HS6ST3: variants seen among roughly 807,000 people sequenced by gnomAD.
HS6ST3 encodes the protein heparan sulfate 6-O-sulfotransferase 3, also known as heparan-sulfate 6-O-sulfotransferase 3.
HS6ST3 carries 12 observed loss-of-function variants against 36.7 expected under a neutral mutation model. That is an observed-to-expected ratio of 0.33 (90% CI 0.21 to 0.53). The LOEUF is 0.53. Ranked by LOEUF, HS6ST3 falls within the 20% of genes least tolerant of loss-of-function variation. The pLI is 0.95. For synonymous variants in HS6ST3, 240 were observed against 257.5 expected, an observed-to-expected ratio of 0.93 and a Z score of 0.65; for missense variants, 584 against 640.9, an observed-to-expected ratio of 0.91 and a Z score of 0.96.
intron 1 of HS6ST3, among the ~76,000 whole-genome samples, chr13:96,141,001 A>G (rs1396942564): frequency 6.6e-6 from 1 of 152,192 alleles, no homozygotes; most frequent in East Asian, 1.9e-4. Context: ...TCCGAAGAAA[A>G]TCATCAAGGA....
At chr13:96,532,658 A>G (rs2056140289) in intron 1 of HS6ST3, among the ~76,000 whole-genome samples, 1 of 152,204 alleles carries the variant, frequency 6.6e-6, no homozygotes, top group South Asian at 2.1e-4. Context: ...TAGGCTAACA[A>G]AGAGAACCTT....
intron 1 of HS6ST3, among the ~76,000 whole-genome samples, chr13:96,282,471 A>G (rs1286206897): frequency 1.3e-5 from 2 of 152,192 alleles, no homozygotes; most frequent in African/African-American, 2.4e-5. Flanking sequence ...AGAGCTGGGT[A>G]TACTCAGTAA....
At chr13:96,482,108 T>G (rs2138898668) in intron 1 of HS6ST3, among the ~76,000 whole-genome samples, 1 of 152,336 alleles carries the variant, frequency 6.6e-6, no homozygotes, top group East Asian at 1.9e-4. Flanking sequence ...ATGCTTATCC[T>G]CAGGTATGTT....
intron 1 of HS6ST3, among the ~76,000 whole-genome samples, chr13:96,394,421 G>A (rs2139453682): frequency 6.6e-6 from 1 of 152,210 alleles, no homozygotes; most frequent in African/African-American, 2.4e-5. Context: ...AAGGCATGAA[G>A]TTTGTCCTCC....
At chr13:96,511,333 C>A (rs550471339) in intron 1 of HS6ST3, among the ~76,000 whole-genome samples, 3 of 152,146 alleles carry the variant, frequency 2.0e-5, no homozygotes, top group African/African-American at 7.2e-5. Context: ...ACTTTATGCT[C>A]CAGGATGACT....
chr13:96,180,519 TAATA>T (rs1250775586), intron 1 of HS6ST3, among the ~76,000 whole-genome samples: 1 of 123,042 alleles, frequency 8.1e-6, no homozygotes, highest in Non-Finnish European at 1.7e-5. Context: ...AAGGAAGGGC[TAATA>T]AATATTTATT....
chr13:96,322,227 G>T (rs116834667), intron 1 of HS6ST3, among the ~76,000 whole-genome samples: 1,734 of 152,040 alleles, frequency 0.011, 35 homozygotes, highest in African/African-American at 0.04. Flanking sequence ...CTCTCTATTT[G>T]GTTATCCATA....
intron 1 of HS6ST3, among the ~76,000 whole-genome samples, chr13:96,147,454 G>A (rs2054063784): frequency 6.6e-6 from 1 of 152,194 alleles, no homozygotes; most frequent in Non-Finnish European, 1.5e-5. Context: ...TTTGTTCAAT[G>A]TTGCTTCATT....
At chr13:96,507,348 A>C (rs2056030497) in intron 1 of HS6ST3, among the ~76,000 whole-genome samples, 1 of 152,080 alleles carries the variant, frequency 6.6e-6, no homozygotes, top group Non-Finnish European at 1.5e-5. Context: ...TCTTTTCACT[A>C]TCCTTTGTGG....
intron 1 of HS6ST3, among the ~76,000 whole-genome samples, chr13:96,604,025 T>C (rs1247875801): frequency 6.6e-6 from 1 of 152,204 alleles, no homozygotes; most frequent in Non-Finnish European, 1.5e-5. Context: ...TGCTGTTTTA[T>C]ATGAAAAGTT....
intron 1 of HS6ST3, among the ~76,000 whole-genome samples, chr13:96,403,723 A>G (rs2055463122): frequency 6.6e-6 from 1 of 152,218 alleles, no homozygotes; most frequent in Non-Finnish European, 1.5e-5. Flanking sequence ...TCCATCTTCT[A>G]TGTACAACAA....
chr13:96,104,331 A>G (rs896528137), intron 1 of HS6ST3, among the ~76,000 whole-genome samples: 1 of 152,172 alleles, frequency 6.6e-6, no homozygotes, highest in East Asian at 1.9e-4. Context: ...GTACTGATCA[A>G]CTCCAGGATA....
intron 1 of HS6ST3, among the ~76,000 whole-genome samples, chr13:96,502,947 CATCT>C (rs768897864): frequency 1.1e-4 from 16 of 152,114 alleles, no homozygotes; most frequent in Admixed American, 2.0e-4. Flanking sequence ...TGTGCGCTTC[CATCT>C]GTCAAGTGGG....
At chr13:96,132,150 A>G (rs2139312236) in intron 1 of HS6ST3, among the ~76,000 whole-genome samples, 2 of 145,998 alleles carry the variant, frequency 1.4e-5, no homozygotes, top group Middle Eastern at 7.0e-3. Context: ...ACACACACAC[A>G]CACACACACA....
intron 1 of HS6ST3, among the ~76,000 whole-genome samples, chr13:96,301,426 T>C (rs927359139): frequency 9.2e-5 from 14 of 152,156 alleles, no homozygotes; most frequent in African/African-American, 3.1e-4. Flanking sequence ...AAGGGGAATG[T>C]AGGGGTGGCA....
intron 1 of HS6ST3, among the ~76,000 whole-genome samples, chr13:96,309,168 T>C (rs988502489): frequency 1.3e-5 from 2 of 152,164 alleles, no homozygotes; most frequent in Admixed American, 6.5e-5. Flanking sequence ...CTACTCTTAG[T>C]GTTTACCACC....
intron 1 of HS6ST3, among the ~76,000 whole-genome samples, chr13:96,698,291 T>C (rs138192649): frequency 0.015 from 2,267 of 152,230 alleles, 55 homozygotes; most frequent in African/African-American, 0.051. Flanking sequence ...TGAGAGCATG[T>C]GGTGTTTGTT....
chr13:96,383,288 C>T (rs568692491), intron 1 of HS6ST3, among the ~76,000 whole-genome samples: 1 of 152,202 alleles, frequency 6.6e-6, no homozygotes, highest in South Asian at 2.1e-4. Flanking sequence ...CTTGTCTCTA[C>T]TAAACACACA....
chr13:96,562,845 CTCTGAAAGCA>C (rs2056267330), intron 1 of HS6ST3, among the ~76,000 whole-genome samples: 1 of 151,960 alleles, frequency 6.6e-6, no homozygotes, highest in Admixed American at 6.6e-5. Flanking sequence ...GATGTTAGAG[CTCTGAAAGCA>C]TCTCTGGAAG....
Sources: gnomAD v4.1 joint callset for allele counts (sites outside exome capture counted in the v4.1 genomes callset) on GRCh38, gnomAD v4.1.1 for gene constraint, MANE v1.5 for transcripts, NCBI Gene and HGNC (gene_info 2026-07-23, HGNC 2026-07-21) for gene names.